The following RGS6 variants were observed in gnomAD, a reference collection of about 807,000 sequenced individuals.
RGS6 encodes the protein regulator of G protein signaling 6.
RGS6 carries 30 observed loss-of-function variants against 78.5 expected under a neutral mutation model. The observed-to-expected ratio is 0.38, with a 90% CI of 0.29 to 0.52. The LOEUF (loss-of-function observed/expected upper bound fraction) is 0.52. Among genes scored for constraint, RGS6 ranks in the 20% least tolerant of loss-of-function variants. RGS6 has a pLI of 0.85. For missense variants in RGS6, 495 were observed against 609.7 expected (o/e 0.81, Z 1.98); for synonymous variants, 206 against 206.0 (o/e 1.00, Z 0.00).
intron 2 of RGS6, among the ~76,000 whole-genome samples, chr14:72,166,093 GACAC>G (rs3055029): frequency 0.19 from 20,751 of 107,490 alleles, 1,465 homozygotes; most frequent in South Asian, 0.25. Context: ...CCATTTTTGA[GACAC>G]ACACACACAC....
chr14:72,383,177 CATATATATATATATAT>C (rs35175623), intron 3 of RGS6, among the ~76,000 whole-genome samples: 4,521 of 71,040 alleles, frequency 0.064, 255 homozygotes, highest in South Asian at 0.28. Context: ...AAAAATTGTA[CATATATATATATATAT>C]ATATATATAT....
At chr14:72,415,816 A>G (rs1218777394) in intron 3 of RGS6, among the ~76,000 whole-genome samples, 1 of 152,216 alleles carries the variant, frequency 6.6e-6, no homozygotes, top group African/African-American at 2.4e-5. Flanking sequence ...GTTTATGTGC[A>G]TTCATTTGAT....
intron 2 of RGS6, among the ~76,000 whole-genome samples, chr14:72,146,626 A>T (rs1460539958): frequency 1.3e-5 from 2 of 152,188 alleles, no homozygotes; most frequent in Non-Finnish European, 2.9e-5. Flanking sequence ...AGAAAAAAAG[A>T]GTAACTAGTC....
intron 2 of RGS6, among the ~76,000 whole-genome samples, chr14:71,974,967 A>G (rs1566939590): frequency 6.6e-6 from 1 of 152,172 alleles, no homozygotes; most frequent in Non-Finnish European, 1.5e-5. Flanking sequence ...TAGGGAGACA[A>G]CATCTCTACA....
chr14:72,277,655 G>C (rs1161097276), intron 2 of RGS6, among the ~76,000 whole-genome samples: 1 of 151,538 alleles, frequency 6.6e-6, no homozygotes, highest in East Asian at 2.0e-4. Flanking sequence ...CAGGTGCAGT[G>C]AGTGGCTCCT....
chr14:72,569,111 G>GGT (rs35508602), downstream of RGS6, among the ~76,000 whole-genome samples: 9,158 of 137,548 alleles, frequency 0.067, 711 homozygotes, highest in African/African-American at 0.19. Flanking sequence ...GATTCTCTGG[G>GGT]GTGTGTGTGT....
intron 2 of RGS6, among the ~76,000 whole-genome samples, chr14:72,084,648 C>A (rs961162025): frequency 6.6e-6 from 1 of 152,164 alleles, no homozygotes; most frequent in East Asian, 1.9e-4. Flanking sequence ...AGCATTTGCT[C>A]ATGCTTTTAT....
the RGS6 span, among the ~76,000 whole-genome samples, chr14:72,581,010 C>T: frequency 6.6e-6 from 1 of 152,208 alleles, no homozygotes; most frequent in African/African-American, 2.4e-5. Context: ...TCATTCTGCA[C>T]CCCAGGGTTT....
chr14:72,086,268 G>A (rs902203014), intron 2 of RGS6, among the ~76,000 whole-genome samples: 8 of 152,100 alleles, frequency 5.3e-5, no homozygotes, highest in Non-Finnish European at 7.4e-5. Context: ...ACGTTTGCTC[G>A]ACACCTGTGC....
chr14:71,941,800 A>T (rs1175588421), intron 1 of RGS6, among the ~76,000 whole-genome samples: 1 of 152,198 alleles, frequency 6.6e-6, no homozygotes, highest in Non-Finnish European at 1.5e-5. Flanking sequence ...TTTGGGCAAC[A>T]CCCACACAGA....
At chr14:72,611,007 C>T in the RGS6 span, among the ~76,000 whole-genome samples, 1 of 152,228 alleles carries the variant, frequency 6.6e-6, no homozygotes, top group African/African-American at 2.4e-5. Flanking sequence ...TAAAACCAGA[C>T]TCACAGCCAA....
intron 3 of RGS6, among the ~76,000 whole-genome samples, chr14:72,437,419 T>C (rs906652886): frequency 4.0e-5 from 6 of 151,364 alleles, no homozygotes; most frequent in African/African-American, 1.5e-4. Context: ...TATCCTTTGC[T>C]GGGGTTTCCT....
intron 13 of RGS6, among the ~76,000 whole-genome samples, chr14:72,500,786 G>C (rs1320367512): frequency 6.6e-6 from 1 of 152,216 alleles, no homozygotes; most frequent in African/African-American, 2.4e-5. Context: ...ACTAAGGGCA[G>C]GGGAAAGCAG....
At chr14:72,314,044 T>G (rs771508251) in intron 2 of RGS6, among the ~76,000 whole-genome samples, 5 of 152,240 alleles carry the variant, frequency 3.3e-5, no homozygotes, top group Non-Finnish European at 5.9e-5. Flanking sequence ...GCATTCACAG[T>G]ATCTGTGGGT....
chr14:72,056,645 A>G (rs1479720734), intron 2 of RGS6, among the ~76,000 whole-genome samples: 1 of 152,212 alleles, frequency 6.6e-6, no homozygotes, highest in Non-Finnish European at 1.5e-5. Flanking sequence ...TTCTGTGCAC[A>G]TTTAGAAAAT....
chr14:72,022,344 G>A (rs1265223559), intron 2 of RGS6: 3 of 152,094 alleles, frequency 2.0e-5, no homozygotes, highest in Non-Finnish European at 2.9e-5. Flanking sequence ...GCTCTCTGAG[G>A]AATTGCCATA....
intron 12 of RGS6, among the ~76,000 whole-genome samples, chr14:72,486,395 TA>T: frequency 6.6e-6 from 1 of 152,232 alleles, no homozygotes; most frequent in East Asian, 1.9e-4. Flanking sequence ...GCAGGGCTTA[TA>T]AATAAATACA....
chr14:72,298,920 T>G (rs1274274788), intron 2 of RGS6, among the ~76,000 whole-genome samples: 1 of 152,184 alleles, frequency 6.6e-6, no homozygotes, highest in Non-Finnish European at 1.5e-5. Flanking sequence ...GAGAGTTCTT[T>G]GTGGGAAGTT....
At chr14:72,590,268 C>T in the RGS6 span, among the ~76,000 whole-genome samples, 1 of 152,136 alleles carries the variant, frequency 6.6e-6, no homozygotes, top group Non-Finnish European at 1.5e-5. Context: ...ACCACATAAC[C>T]CAGAATCCCA....
Sources: allele counts gnomAD v4.1 joint callset (sites outside exome capture counted in the v4.1 genomes callset), GRCh38; gene constraint gnomAD v4.1.1; transcripts MANE v1.5; gene names NCBI Gene and HGNC (gene_info 2026-07-23, HGNC 2026-07-21).